The following ANKRD28 variants were observed in gnomAD, a reference collection of about 807,000 sequenced individuals.
The protein encoded by ANKRD28 is serine/threonine-protein phosphatase 6 regulatory ankyrin repeat subunit A.
In ANKRD28, 44 loss-of-function variants were observed where a neutral mutation model predicts 126.5. The ratio of observed to expected loss-of-function variants is 0.35; its 90% CI spans 0.27 to 0.45. The LOEUF is 0.45. Ranked by LOEUF, ANKRD28 falls within the 20% of genes least tolerant of loss-of-function variation. The pLI is 1.00. For missense variants in ANKRD28, 1,110 were observed against 1,316.6 expected, an observed-to-expected ratio of 0.84 and a Z score of 2.43; for synonymous variants, 442 against 468.5, an observed-to-expected ratio of 0.94 and a Z score of 0.73.
At chr3:15,832,007 A>C (rs1299646638) in intron 1 of ANKRD28, among the ~76,000 whole-genome samples, 1 of 152,204 alleles carries the variant, frequency 6.6e-6, no homozygotes, top group African/African-American at 2.4e-5. Flanking sequence ...AGACACACTT[A>C]ATCAGAATTC....
At chr3:15,821,010 T>A (rs2060931083) in intron 1 of ANKRD28, among the ~76,000 whole-genome samples, 1 of 152,154 alleles carries the variant, frequency 6.6e-6, no homozygotes. Flanking sequence ...ACTACCAACA[T>A]TTTAGGACAT....
chr3:15,777,922 G>A (rs537866811), intron 2 of ANKRD28, among the ~76,000 whole-genome samples: 15 of 124,182 alleles, frequency 1.2e-4, no homozygotes, highest in South Asian at 2.7e-4. Flanking sequence ...CCCTAGCCCC[G>A]TCAATACCCA....
rs530452479 is a variant in ANKRD28, at chr3:15,797,214, A to C, written c.-693T>G. ...AAAGGGGCAAAAAACAAAAACAAAAAAAAAAAAACCACTCTGCATTAATAG... is the reference window on the plus strand; with the variant it reads ...AAAGGGGCAAAAAACAAAAACAAAACAAAAAAAACCACTCTGCATTAATAG... On this transcript the variant is annotated 5_prime_UTR_variant, in exon 1 of 28. Coordinates refer to ENST00000683139, the MANE Select transcript of ANKRD28 (RefSeq NM_001349278.2). 15,298 of 985,020 alleles carry C rather than the reference A, an allele frequency of 0.016. 162 individuals carry two copies. The highest frequency in any genetic ancestry group is 0.017 in the Non-Finnish European group (14,193 of 829,782). 61.0% of individuals were successfully genotyped at this position (985,020 alleles called of 1,614,324 possible). A position where few individuals can be genotyped will look rare whatever the true frequency, so the allele number is the denominator to read the frequency against.
At chr3:15,675,131 G>A (rs756426201) in intron 27 of ANKRD28, among the ~76,000 whole-genome samples, 1 of 152,060 alleles carries the variant, frequency 6.6e-6, no homozygotes, top group African/African-American at 2.4e-5. Context: ...TTAGCCAGGC[G>A]TCGTGGCAGG....
chr3:15,796,680 A>G lies in ANKRD28; in HGVS notation c.-159T>C. ...TTTAAAGTTAATAAGTACTACTGGA[A>G]AAACAAGTTTAAAATTATGACTACA... is the stretch of plus-strand genomic sequence containing the variant. On this transcript the variant is annotated 5_prime_UTR_variant, in exon 1 of 28. Coordinates refer to ENST00000683139, the MANE Select transcript of ANKRD28 (RefSeq NM_001349278.2). 2.0e-6 allele frequency: 2 copies of G among 981,884 alleles called. No individual in the cohort carries two copies. The highest frequency in any genetic ancestry group is 2.4e-6 in the Non-Finnish European group (2 of 820,814). The allele number at this position is 981,884 out of a possible 1,614,324, so 60.8% of individuals were successfully genotyped here. A position where few individuals can be genotyped will look rare whatever the true frequency, so the allele number is the denominator to read the frequency against.
chr3:15,685,265 T>G lies in ANKRD28; in HGVS notation c.2350A>C (p.Asn784His). ...CAGTGAAGTGCCGTATATCCATGAT[T>G]GTCTGCTGTGGCTGGATTTGCATCC... ...SMDANPATAD[N>H]HGYTALHWAC... The change falls in exon 21 of 28, where the codon AAT becomes CAT. Residue 784 changes from asparagine (N) to histidine (H), a missense_variant. Transcript: ENST00000683139. 2 of 1,614,056 alleles carry G rather than the reference T, an allele frequency of 1.2e-6. No homozygotes were observed. Among genetic ancestry groups the G allele is most frequent in the South Asian group, 2.2e-5 (2 of 91,088 alleles).
rs2068083660 is a variant in ANKRD28, at chr3:15,686,016, C to T, written c.2155G>A (p.Ala719Thr). The change falls in exon 20 of 28, where the codon GCG becomes ACG. Residue 719 changes from alanine to threonine, a missense_variant. Ala to Thr is a moderately conservative substitution (Grantham distance 58). Transcript: ENST00000683139. ...TTTCTGCTTACCCCTCTATGCAACG[C>T]TGTCCTTCCCCACTTATCTTTGGCA... Reference protein sequence around the residue: ...VDAKDKWGRTALHRGAVTGHE... With the variant: ...VDAKDKWGRTTLHRGAVTGHE... 11 of 1,613,468 alleles carry T rather than the reference C, an allele frequency of 6.8e-6. No homozygotes were observed. The highest frequency in any genetic ancestry group is 9.3e-6 in the Non-Finnish European group (11 of 1,179,686).
At chr3:15,851,619 T>A (rs1235071273) in intron 1 of ANKRD28, among the ~76,000 whole-genome samples, 1 of 151,976 alleles carries the variant, frequency 6.6e-6, no homozygotes, top group African/African-American at 2.4e-5. Flanking sequence ...CACACTAGGA[T>A]GGCTATAATT....
chr3:15,755,153 A>G (rs940796894), intron 3 of ANKRD28, among the ~76,000 whole-genome samples: 2 of 152,178 alleles, frequency 1.3e-5, no homozygotes, highest in East Asian at 3.8e-4. Flanking sequence ...ATAATAAAAA[A>G]TAAAAAAAAT....
At chr3:15,675,808 A>C (rs2066875377) in intron 27 of ANKRD28, 90 bp downstream of exon 27, 24 of 1,125,710 alleles carry the variant, frequency 2.1e-5, no homozygotes, top group Non-Finnish European at 2.9e-5. Flanking sequence ...CTCTTTGACC[A>C]ATAAAAAATA....
rs1413715415 is a variant in ANKRD28, at chr3:15,812,059, C to T, written c.28-16753G>A. On this transcript the variant is annotated intron_variant, in intron 1 of 27. Transcript: ENST00000399451. This position sits in a 1 kb window ranked among gnomAD's most constrained non-coding sequence, Gnocchi z 4.1. ...TCCCAGCTACTCAGGAGGCTGAGGT[C>T]GGAGAATCGCTTGAACCCAGGAGGC... Among the ~76,000 whole-genome samples, 2 of 151,132 alleles carry T rather than the reference C, an allele frequency of 1.3e-5. No individual in the cohort carries two copies. Among genetic ancestry groups the T allele is most frequent in the Non-Finnish European group, 1.5e-5 (1 of 67,724 alleles).
intron 27 of ANKRD28, among the ~76,000 whole-genome samples, chr3:15,673,896 A>G (rs2066633829): frequency 6.6e-6 from 1 of 152,088 alleles, no homozygotes; most frequent in African/African-American, 2.4e-5. Context: ...TAGTAAGGTC[A>G]TTTTAAGAAC....
chr3:15,809,848 C>T (rs1454426116), intron 1 of ANKRD28, among the ~76,000 whole-genome samples: 1 of 152,054 alleles, frequency 6.6e-6, no homozygotes, highest in African/African-American at 2.4e-5. Flanking sequence ...TAAAGACTTC[C>T]AGCAGCCTGC....
intron 14 of ANKRD28, among the ~76,000 whole-genome samples, chr3:15,704,420 T>C (rs1176014137): frequency 1.3e-5 from 2 of 152,182 alleles, no homozygotes; most frequent in African/African-American, 4.8e-5. Flanking sequence ...CAATGTCAGA[T>C]TGTTAAAAAT....
rs745927968 is a variant in ANKRD28 at position 15,670,401 on chromosome 3, T to C, written c.3121A>G (p.Ser1041Gly). 1 of 1,613,958 alleles carries C rather than the reference T, an allele frequency of 6.2e-7. No homozygotes were observed. The highest frequency in any genetic ancestry group is 2.2e-5 in the East Asian group (1 of 44,886). Residue 1041 changes from serine to glycine, a missense_variant, in exon 28 of 28, where the codon AGC (serine) becomes GGC (glycine). By Grantham distance (56) the Ser-to-Gly change is moderately conservative. Transcript: ENST00000683139. ...CTCATGATGGGCAAAGCTTCAAAGC[T>C]GACTGTTTTTGAGGTGTTGGTATAA... ...NRYTNTSKTV[S>G]FEALPIMRNE...
intron 1 of ANKRD28, among the ~76,000 whole-genome samples, chr3:15,811,267 T>C (rs2060705701): frequency 6.6e-6 from 1 of 152,308 alleles, no homozygotes; most frequent in Admixed American, 6.5e-5. Flanking sequence ...ATCTCCATAA[T>C]CTGTTACAAT....
intron 27 of ANKRD28, among the ~76,000 whole-genome samples, chr3:15,671,589 GTT>G (rs1266007505): frequency 1.5e-5 from 2 of 133,916 alleles, no homozygotes; most frequent in Non-Finnish European, 1.6e-5. Flanking sequence ...TTTTTTTTTT[GTT>G]TTTTTTTTTT....
intron 3 of ANKRD28, among the ~76,000 whole-genome samples, chr3:15,753,552 C>CAG (rs969539584): frequency 6.6e-6 from 1 of 152,208 alleles, no homozygotes; most frequent in African/African-American, 2.4e-5. Context: ...GGTATCAACA[C>CAG]AGACACCTAG....
intron 4 of ANKRD28, 61 bp from the exon 5 acceptor site, chr3:15,737,294 T>C (rs2075081186): frequency 2.8e-6 from 4 of 1,419,462 alleles, no homozygotes; most frequent in Middle Eastern, 1.9e-4. Flanking sequence ...ATTATTTCTA[T>C]ATATAGTGTG....
Sources: gnomAD v4.1 joint callset for allele counts (sites outside exome capture counted in the v4.1 genomes callset) on GRCh38, gnomAD v4.1.1 for gene constraint, Gnocchi (gnomAD v3.1) non-coding constraint, MANE v1.5 for transcripts, NCBI Gene and HGNC (gene_info 2026-07-23, HGNC 2026-07-21) for gene names.